ZDHHC7: variants seen among roughly 807,000 people sequenced by gnomAD.
ZDHHC7 encodes the protein zDHHC palmitoyltransferase 7, also known as palmitoyltransferase ZDHHC7.
A neutral mutation model predicts 34.1 loss-of-function variants in ZDHHC7; 12 were observed. That is an observed-to-expected ratio of 0.35 (90% CI 0.23 to 0.57). The LOEUF (loss-of-function observed/expected upper bound fraction) is 0.57. Ranked by LOEUF, ZDHHC7 falls within the 20% of genes least tolerant of loss-of-function variation. ZDHHC7 has a pLI of 0.84. For missense variants in ZDHHC7, 388 were observed against 402.7 expected (o/e 0.96, Z 0.31); for synonymous variants, 185 against 155.4 (o/e 1.19, Z -1.42).
intron 1 of ZDHHC7, among the ~76,000 whole-genome samples, chr16:85,001,060 G>C (rs68008053): frequency 0.093 from 14,105 of 152,172 alleles, 902 homozygotes; most frequent in Non-Finnish European, 0.14. Context: ...TGACCAGAAG[G>C]ACAAGCCTGA....
chr16:84,984,856 A>G (rs1319425712), intron 3 of ZDHHC7, among the ~76,000 whole-genome samples: 2 of 152,144 alleles, frequency 1.3e-5, no homozygotes, highest in Non-Finnish European at 2.9e-5. Flanking sequence ...GCAGAAACAG[A>G]GACCATATGC....
chr16:85,012,798 G>A (rs534954779), upstream of ZDHHC7, among the ~76,000 whole-genome samples: 402 of 152,128 alleles, frequency 2.6e-3, 1 homozygote, highest in Non-Finnish European at 3.5e-3. Context: ...TCAGCTACTC[G>A]GGAGGCTGAG....
At chr16:84,988,657 G>A in intron 3 of ZDHHC7, 3 of 939,914 alleles carry the variant, frequency 3.2e-6, no homozygotes, top group South Asian at 3.0e-5. Context: ...TGTAGAGTCT[G>A]AGCGCAGAGG....
Position 84,975,954 on chromosome 16 carries a change from A to C in ZDHHC7, c.*389T>G. 1 of 215,034 alleles carries C rather than the reference A, an allele frequency of 4.7e-6. No homozygotes were observed. The highest frequency in any genetic ancestry group is 9.2e-6 in the Non-Finnish European group (1 of 108,146). The allele number at this position is 215,034 out of a possible 1,614,324, so 13.3% of individuals were successfully genotyped here. ...ACTGCTGAGTGGCGGGGTCAGCAGG[A>C]GCCCCCTGAAATGACTGCTTGGAGA... On this transcript the variant is annotated 3_prime_UTR_variant, in exon 8 of 8. Transcript: ENST00000313732.
chr16:84,993,849 C>T (rs1198409827), intron 2 of ZDHHC7, among the ~76,000 whole-genome samples: 1 of 152,180 alleles, frequency 6.6e-6, no homozygotes, highest in African/African-American at 2.4e-5. Flanking sequence ...ACCTCATTCA[C>T]CCTGCAGGGC....
intron 3 of ZDHHC7, among the ~76,000 whole-genome samples, chr16:84,986,398 G>A (rs942776373): frequency 2.0e-5 from 3 of 152,314 alleles, no homozygotes; most frequent in African/African-American, 4.8e-5. Flanking sequence ...AGGAAAGCAC[G>A]CTTTTGGCAG....
intron 1 of ZDHHC7, among the ~76,000 whole-genome samples, chr16:85,003,337 G>A (rs548749698): frequency 1.1e-4 from 16 of 152,180 alleles, no homozygotes; most frequent in Non-Finnish European, 2.2e-4. Flanking sequence ...CCACCAGCCC[G>A]GATGAGTCAG....
intron 3 of ZDHHC7, among the ~76,000 whole-genome samples, chr16:84,986,441 G>A (rs1276008454): frequency 6.6e-6 from 1 of 152,204 alleles, no homozygotes; most frequent in African/African-American, 2.4e-5. Flanking sequence ...CCCCATGAAG[G>A]CTACCTCCGG....
At chr16:84,983,450 C>T (rs556677882) in intron 3 of ZDHHC7, among the ~76,000 whole-genome samples, 2 of 152,212 alleles carry the variant, frequency 1.3e-5, no homozygotes, top group African/African-American at 4.8e-5. Flanking sequence ...CTGCTGCCCG[C>T]TGGATTCAGG....
chr16:85,026,317 G>C, the ZDHHC7 span, among the ~76,000 whole-genome samples: 1 of 152,122 alleles, frequency 6.6e-6, no homozygotes, highest in African/African-American at 2.4e-5. Flanking sequence ...GGCAGAACCT[G>C]CAGAGACCAA....
intron 2 of ZDHHC7, among the ~76,000 whole-genome samples, chr16:84,992,296 G>A (rs11149704): frequency 0.089 from 13,463 of 151,192 alleles, 820 homozygotes; most frequent in African/African-American, 0.17. Flanking sequence ...GGTGAAACCC[G>A]TCTCTACTAA....
At chr16:84,994,402 C>G (rs1377693841) in intron 2 of ZDHHC7, among the ~76,000 whole-genome samples, 1 of 152,196 alleles carries the variant, frequency 6.6e-6, no homozygotes, top group Non-Finnish European at 1.5e-5. Flanking sequence ...TTTATGGTGA[C>G]TTCTCTAATA....
intron 7 of ZDHHC7, among the ~76,000 whole-genome samples, chr16:84,976,894 T>A (rs2072305629): frequency 6.6e-6 from 1 of 152,216 alleles, no homozygotes; most frequent in African/African-American, 2.4e-5. Context: ...CTCTGCTGAC[T>A]TGCAAATCAA....
chr16:85,004,985 G>A (rs1246045565), intron 1 of ZDHHC7: 1 of 152,208 alleles, frequency 6.6e-6, no homozygotes, highest in African/African-American at 2.4e-5. Flanking sequence ...ACGCAGGCCA[G>A]ATGAGGTGGC....
intron 1 of ZDHHC7, among the ~76,000 whole-genome samples, chr16:84,996,408 G>C (rs1038596177): frequency 6.6e-6 from 1 of 152,122 alleles, no homozygotes; most frequent in African/African-American, 2.4e-5. Context: ...TGAGGCAGGA[G>C]GGGTGGACTA....
In ZDHHC7 at chr16:85,010,364, T is replaced by C. The variant is rs536213400; in HGVS notation, c.-104+922A>G. 8.5e-5 allele frequency among the ~76,000 whole-genome samples: 13 copies of C among 152,294 alleles called. No homozygotes were observed. In the South Asian group the frequency reaches 1.2e-3, roughly 15 times the overall value. Reference sequence around the variant, plus strand: ...AGTGACTAAAAGGTGATTTCAGGTATGTAAACACTGTAAAACATAACAAAA... The same window carrying C: ...AGTGACTAAAAGGTGATTTCAGGTACGTAAACACTGTAAAACATAACAAAA... On this transcript the variant is annotated intron_variant, in intron 1 of 7. Transcript: ENST00000313732.
chr16:84,976,825 T>C (rs549857295), intron 7 of ZDHHC7, among the ~76,000 whole-genome samples: 1 of 152,352 alleles, frequency 6.6e-6, no homozygotes, highest in South Asian at 2.1e-4. Context: ...AGCCAGGCCC[T>C]AAAGGCAGTC....
At chr16:84,980,218 G>C (rs2143560060) in intron 4 of ZDHHC7, among the ~76,000 whole-genome samples, 1 of 151,200 alleles carries the variant, frequency 6.6e-6, no homozygotes, top group African/African-American at 2.4e-5. Flanking sequence ...GCCCACCCCG[G>C]CCTCCCAAAG....
chr16:85,025,655 G>A, the ZDHHC7 span, among the ~76,000 whole-genome samples: 2 of 152,110 alleles, frequency 1.3e-5, no homozygotes, highest in East Asian at 1.9e-4. Context: ...TGATCCGCCC[G>A]CCTCGACCTC....
Sources: gnomAD v4.1 joint callset for allele counts (sites outside exome capture counted in the v4.1 genomes callset) on GRCh38, gnomAD v4.1.1 for gene constraint, MANE v1.5 for transcripts, NCBI Gene and HGNC (gene_info 2026-07-23, HGNC 2026-07-21) for gene names.